TPRG1: variants seen among roughly 807,000 people sequenced by gnomAD.
TPRG1 encodes the protein tumor protein p63-regulated gene 1 protein.
TPRG1 carries 29 observed loss-of-function variants against 29.3 expected under a neutral mutation model. That is an observed-to-expected ratio of 0.99 (90% CI 0.74 to 1.35). TPRG1 has a LOEUF of 1.35. Among genes scored for constraint, TPRG1 ranks in the 40% most tolerant of loss-of-function variants. The probability of loss-of-function intolerance (pLI) is 0.00; values close to 1 mark genes in which losing one functional copy is unlikely to be tolerated. For synonymous variants in TPRG1, 130 were observed against 116.8 expected (o/e 1.11, Z -0.73); for missense variants, 327 against 335.0 (o/e 0.98, Z 0.19).
At chr3:189,135,986 G>A (rs1373269600) in intron 3 of TPRG1, among the ~76,000 whole-genome samples, 5 of 152,256 alleles carry the variant, frequency 3.3e-5, no homozygotes, top group African/African-American at 7.2e-5. Flanking sequence ...TCAGAGGGCC[G>A]TGTACTTGAA....
At chr3:189,205,833 A>G (rs913979185) in intron 1 of TPRG1, among the ~76,000 whole-genome samples, 2 of 152,218 alleles carry the variant, frequency 1.3e-5, no homozygotes, top group Non-Finnish European at 2.9e-5. Context: ...TTTTTAAACC[A>G]TGTGTGATCA....
At chr3:189,010,406 G>A (rs1712535711) in intron 3 of TPRG1, among the ~76,000 whole-genome samples, 2 of 151,864 alleles carry the variant, frequency 1.3e-5, no homozygotes, top group South Asian at 2.1e-4. Context: ...TACCAACAGT[G>A]TATAAGCATT....
Position 189,264,329 on chromosome 3 carries a change from T to C in TPRG1, c.479+25420T>C, listed in dbSNP as rs77781990. Among the ~76,000 whole-genome samples, 736 of 152,350 alleles carry C rather than the reference T, an allele frequency of 4.8e-3. 6 individuals are homozygous for C. Among genetic ancestry groups the C allele is most frequent in the African/African-American group, 0.017 (691 of 41,582 alleles). ...AGCAAGAAGTACAATGAGTTTTTGC[T>C]TTGGGAAAGTTTACTATTTGTACAT... On this transcript the variant is annotated intron_variant, in intron 4 of 5. Coordinates refer to ENST00000345063, the MANE Select transcript of TPRG1 (RefSeq NM_198485.4).
chr3:189,227,094 T>C (rs552216970), intron 3 of TPRG1, among the ~76,000 whole-genome samples: 48 of 151,956 alleles, frequency 3.2e-4, no homozygotes, highest in African/African-American at 3.1e-4. Context: ...AGGGAGATCA[T>C]TGGAGCCCAG....
chr3:189,278,798 A>G (rs959487261), intron 4 of TPRG1, among the ~76,000 whole-genome samples: 1 of 152,198 alleles, frequency 6.6e-6, no homozygotes, highest in South Asian at 2.1e-4. Context: ...ATTTGAAACC[A>G]GGTCTGCCTG....
intron 4 of TPRG1, among the ~76,000 whole-genome samples, chr3:189,072,009 A>G (rs1394543849): frequency 1.3e-5 from 2 of 152,196 alleles, no homozygotes. Flanking sequence ...TTAGTTGAGA[A>G]GTAGTAATCA....
At chr3:189,182,993 GA>G (rs1379121003) in intron 1 of TPRG1, among the ~76,000 whole-genome samples, 1 of 152,118 alleles carries the variant, frequency 6.6e-6, no homozygotes, top group Admixed American at 6.6e-5. Context: ...TCAAGTATAA[GA>G]AAATTATTAA....
intron 4 of TPRG1, among the ~76,000 whole-genome samples, chr3:189,073,497 G>T (rs6444346): frequency 0.16 from 25,016 of 152,046 alleles, 3,852 homozygotes; most frequent in African/African-American, 0.41. Context: ...ATTTGAATAG[G>T]TATCTTTTTT....
chr3:189,107,031 TG>T (rs879693682), intron 1 of TPRG1, among the ~76,000 whole-genome samples: 4 of 152,116 alleles, frequency 2.6e-5, no homozygotes, highest in South Asian at 2.1e-4. Flanking sequence ...AAATAGCATT[TG>T]TTTTTTTTGG....
intron 1 of TPRG1, among the ~76,000 whole-genome samples, chr3:189,206,560 G>C (rs528884556): frequency 6.6e-6 from 1 of 150,760 alleles, no homozygotes; most frequent in East Asian, 2.0e-4. Context: ...GAGTGCAGTG[G>C]CATGATCTTG....
intron 1 of TPRG1, among the ~76,000 whole-genome samples, chr3:189,175,313 G>A (rs1376708906): frequency 6.6e-6 from 1 of 152,168 alleles, no homozygotes; most frequent in Non-Finnish European, 1.5e-5. Flanking sequence ...AACAAGAGAA[G>A]AGTTTAAGTA....
At chr3:189,313,655 C>G (rs1335105958) in intron 5 of TPRG1, among the ~76,000 whole-genome samples, 1 of 152,092 alleles carries the variant, frequency 6.6e-6, no homozygotes, top group Admixed American at 6.5e-5. Flanking sequence ...TCTACTGTAT[C>G]TAGAATCTCT....
At chr3:189,181,510 G>A (rs1207039643) in intron 1 of TPRG1, among the ~76,000 whole-genome samples, 2 of 152,100 alleles carry the variant, frequency 1.3e-5, no homozygotes, top group Non-Finnish European at 2.9e-5. Flanking sequence ...CTAGGGCAGG[G>A]GCAAAATGCA....
chr3:189,076,284 G>C (rs1036067664), intron 4 of TPRG1, among the ~76,000 whole-genome samples: 1 of 152,158 alleles, frequency 6.6e-6, no homozygotes, highest in Non-Finnish European at 1.5e-5. Context: ...ATAATGATAT[G>C]GTGAAATGAA....
intron 4 of TPRG1, among the ~76,000 whole-genome samples, chr3:189,092,756 G>A (rs1256579998): frequency 2.0e-5 from 3 of 152,130 alleles, no homozygotes; most frequent in Non-Finnish European, 4.4e-5. Flanking sequence ...TAAGCTAGGG[G>A]AGAGCGCTGA....
At chr3:189,075,243 C>T (rs1233367779) in intron 4 of TPRG1, among the ~76,000 whole-genome samples, 6 of 152,176 alleles carry the variant, frequency 3.9e-5, no homozygotes, top group South Asian at 2.1e-4. Context: ...AGTGGTTCTC[C>T]CGTCTCCGCC....
At chr3:189,120,023 G>A (rs1560462454) in intron 1 of TPRG1, among the ~76,000 whole-genome samples, 1 of 152,212 alleles carries the variant, frequency 6.6e-6, no homozygotes, top group Non-Finnish European at 1.5e-5. Context: ...TTGGAGACAA[G>A]TGGTAACCTA....
intron 1 of TPRG1, among the ~76,000 whole-genome samples, chr3:189,179,412 C>CT (rs1729921636): frequency 6.6e-6 from 1 of 152,184 alleles, no homozygotes; most frequent in Admixed American, 6.5e-5. Context: ...TAAACCTTGT[C>CT]TTTCAGCCAC....
intron 3 of TPRG1, among the ~76,000 whole-genome samples, chr3:189,224,499 A>C (rs998263651): frequency 6.6e-6 from 1 of 152,150 alleles, no homozygotes; most frequent in African/African-American, 2.4e-5. Flanking sequence ...AACAACAACA[A>C]AAAAACAAAA....
Sources: gnomAD v4.1 joint callset for allele counts (sites outside exome capture counted in the v4.1 genomes callset) on GRCh38, gnomAD v4.1.1 for gene constraint, MANE v1.5 for transcripts, NCBI Gene and HGNC (gene_info 2026-07-23, HGNC 2026-07-21) for gene names.